The following RAD23A variants were observed in gnomAD, a reference collection of about 807,000 sequenced individuals.
RAD23A encodes lysine-specific demethylase RAD23A.
In RAD23A, 16 loss-of-function variants were observed where a neutral mutation model predicts 44.8. The ratio of observed to expected loss-of-function variants is 0.36; its 90% confidence interval spans 0.24 to 0.54. RAD23A has a LOEUF of 0.54. RAD23A is among the 20% of genes least tolerant of loss of function. The probability of loss-of-function intolerance (pLI) is 0.89; values close to 1 mark genes in which losing one functional copy is unlikely to be tolerated. For synonymous variants in RAD23A, 217 were observed against 202.9 expected (o/e 1.07, Z -0.59); for missense variants, 380 against 483.3 (o/e 0.79, Z 2.00).
rs775868047 is a variant in RAD23A, at chr19:12,948,591, C to T, written c.472+39C>T. 7 of 1,574,954 alleles carry T rather than the reference C, an allele frequency of 4.4e-6. No homozygotes were observed. Among genetic ancestry groups the T allele is most frequent in the Non-Finnish European group, 5.2e-6 (6 of 1,160,306 alleles). On this transcript the variant is annotated intron_variant, in intron 4 of 8. Coordinates refer to ENST00000586534, the MANE Select transcript of RAD23A (RefSeq NM_005053.4). The surrounding 1 kb of genome is among the most constrained non-coding windows in gnomAD (Gnocchi z 5.5). ...CCCCAGGGCAGAGGTGACTGGGTGC[C>T]CCAGCCATCAGCTGGGCCTTGTCTG...
chr19:12,951,561 C>T (rs547117895), intron 7 of RAD23A, among the ~76,000 whole-genome samples: 1 of 152,250 alleles, frequency 6.6e-6, no homozygotes, highest in East Asian at 1.9e-4. Flanking sequence ...ATTCTCCTGC[C>T]TCAGCCCCCA....
Position 12,948,639 on chromosome 19 carries a change from G to A in RAD23A, c.473-47G>A, listed in dbSNP as rs1340625079. The A allele has an allele frequency of 6.3e-7, 1 of 1,593,474 alleles. No homozygotes were observed. The highest frequency in any genetic ancestry group is 8.5e-7 in the Non-Finnish European group (1 of 1,170,410). ...CTGGGTGCGGGAGGGCCTGGGAGCT[G>A]CCCTTTCCTCTTCCTGGTGACCTAG... is the stretch of plus-strand genomic sequence containing the variant. On this transcript the variant is annotated intron_variant, in intron 4 of 8. Coordinates refer to ENST00000586534, the MANE Select transcript of RAD23A (RefSeq NM_005053.4). This position sits in a 1 kb window ranked among gnomAD's most constrained non-coding sequence, Gnocchi z 5.5.
Position 12,948,893 on chromosome 19 carries a change from C to T in RAD23A, c.600+80C>T, listed in dbSNP as rs948770711. On this transcript the variant is annotated intron_variant, in intron 5 of 8. Transcript: ENST00000586534. The surrounding 1 kb of genome is among the most constrained non-coding windows in gnomAD (Gnocchi z 5.5). ...CTGCCCTGATGGGCGGTTGGGAAGG[C>T]AAAACCTGCCCTGAAAAGCCTTTGG... 6.5e-7 allele frequency: 1 copy of T among 1,549,706 alleles called. No homozygotes were observed. The highest frequency in any genetic ancestry group is 1.4e-5 in the African/African-American group (1 of 73,212).
chr19:12,947,436 AAT>A (rs1971698553), intron 1 of RAD23A, among the ~76,000 whole-genome samples: 1 of 152,234 alleles, frequency 6.6e-6, no homozygotes, highest in Non-Finnish European at 1.5e-5. Context: ...AAAATTAAAA[AAT>A]ATCACTATTA....
At position 12,949,136 on chromosome 19, in the gene RAD23A, C is replaced by T. The variant is rs531597926; in HGVS notation, c.656C>T (p.Ser219Leu). Residue 219 changes from serine to leucine, a missense_variant, in exon 6 of 9, where the codon TCG becomes TTG. Physicochemically the swap from Ser to Leu is moderately radical, Grantham distance 145 (BLOSUM62 -2). Coordinates refer to ENST00000586534, the MANE Select transcript of RAD23A (RefSeq NM_005053.4). ...GGTTCTGTCCAGGAGAGCCAGGTAT[C>T]GGAGCAGCCGGCCACGGAAGCAGGT... ...EHGSVQESQV[S>L]EQPATEAAGE... The T allele has an allele frequency of 1.2e-5, 19 of 1,613,876 alleles. No homozygotes were observed. The highest frequency in any genetic ancestry group is 8.0e-5 in the African/African-American group (6 of 75,040).
chr19:12,948,638 TGCC>T lies in RAD23A; in HGVS notation c.473-47_473-45del. 1 of 1,591,596 alleles carries T rather than the reference TGCC, an allele frequency of 6.3e-7. No individual in the cohort carries two copies. Among genetic ancestry groups the T allele is most frequent in the Non-Finnish European group, 8.6e-7 (1 of 1,169,208 alleles). Reference sequence around the variant, plus strand: ...TCTGGGTGCGGGAGGGCCTGGGAGCTGCCCTTTCCTCTTCCTGGTGACCTAGGC... The same window carrying T: ...TCTGGGTGCGGGAGGGCCTGGGAGCTCTTTCCTCTTCCTGGTGACCTAGGC... On this transcript the variant is annotated intron_variant, in intron 4 of 8. Coordinates refer to ENST00000586534, the MANE Select transcript of RAD23A (RefSeq NM_005053.4). This position sits in a 1 kb window ranked among gnomAD's most constrained non-coding sequence, Gnocchi z 5.5.
chr19:12,950,516 T>C (rs1350868895), intron 7 of RAD23A, among the ~76,000 whole-genome samples: 4 of 152,112 alleles, frequency 2.6e-5, no homozygotes, highest in Admixed American at 1.3e-4. Flanking sequence ...GCGATTCTTT[T>C]GCCCCCGCCC....
intron 1 of RAD23A, among the ~76,000 whole-genome samples, chr19:12,946,772 TGGC>T (rs925372346): frequency 1.1e-4 from 16 of 152,220 alleles, no homozygotes; most frequent in African/African-American, 3.9e-4. Context: ...ATTGGGTACT[TGGC>T]GCTTTTTGCA....
rs199893823 is a variant in RAD23A at position 12,952,700 on chromosome 19, G to A, written c.825G>A (p.Arg275=). 3 of 1,610,510 alleles carry A rather than the reference G, an allele frequency of 1.9e-6. No homozygotes were observed. Among genetic ancestry groups the A allele is most frequent in the Admixed American group, 3.3e-5 (2 of 59,972 alleles). Residue 275 remains arginine (R), a synonymous_variant, in exon 8 of 9, where the codon CGG becomes CGA. Transcript: ENST00000586534. ...ENPQLLQQIS[R]HQEQFIQMLN... ...ACCCTCTCCTGCAGCAAATCAGCCG[G>A]CACCAGGAGCAGTTCATCCAGATGC...
rs200144564 is a variant in RAD23A at position 12,948,455 on chromosome 19, C to T, written c.417-42C>T. On this transcript the variant is annotated intron_variant, in intron 3 of 8. Coordinates refer to ENST00000586534, the MANE Select transcript of RAD23A (RefSeq NM_005053.4). This position sits in a 1 kb window ranked among gnomAD's most constrained non-coding sequence, Gnocchi z 5.5. ...CCACACACCTGGAGGGAGGGCAAGCCGCCAGAAGCCAGGGTCCGATTTCTC... is the reference window on the plus strand; with the variant it reads ...CCACACACCTGGAGGGAGGGCAAGCTGCCAGAAGCCAGGGTCCGATTTCTC... 8.6e-5 allele frequency: 134 copies of T among 1,552,126 alleles called. No individual in the cohort carries two copies. Among genetic ancestry groups the T allele is most frequent in the African/African-American group, 2.6e-4 (19 of 72,942 alleles).
chr19:12,948,684 A>G lies in RAD23A; in HGVS notation c.473-2A>G, dbSNP rs752299434. 6.2e-7 allele frequency: 1 copy of G among 1,611,202 alleles called. No individual in the cohort carries two copies. The highest frequency in any genetic ancestry group is 1.7e-5 in the Admixed American group (1 of 59,464). ...ACCTAGGCTTTGCTGCTTCCTCCAC[A>G]GTGACGGGCTCTGAGTATGAGACGA... On this transcript the variant is annotated splice_acceptor_variant, in intron 4 of 8. Transcript: ENST00000586534. LOFTEE classifies it high-confidence loss of function. The surrounding 1 kb of genome is among the most constrained non-coding windows in gnomAD (Gnocchi z 5.5).
At position 12,948,051 on chromosome 19, in the gene RAD23A, G is replaced by A. The variant is rs368120948; in HGVS notation, c.234+42G>A. On this transcript the variant is annotated intron_variant, in intron 2 of 8. Transcript: ENST00000586534. This position sits in a 1 kb window ranked among gnomAD's most constrained non-coding sequence, Gnocchi z 5.5. ...GGCTGGGAGGGTGGGTGGACGAGCT[G>A]GGGAGCTGGCAAAGAGCCTGTGTGC... 2 of 1,609,554 alleles carry A rather than the reference G, an allele frequency of 1.2e-6. No individual in the cohort carries two copies. The highest frequency in any genetic ancestry group is 2.7e-5 in the African/African-American group (2 of 74,866).
chr19:12,947,952 C>A lies in RAD23A; in HGVS notation c.177C>A (p.Val59=). 1 of 1,614,018 alleles carries A rather than the reference C, an allele frequency of 6.2e-7. No individual in the cohort carries two copies. The change falls in exon 2 of 9, where the codon GTC becomes GTA. Residue 59 remains valine, a synonymous_variant. Coordinates refer to ENST00000586534, the MANE Select transcript of RAD23A (RefSeq NM_005053.4). ...CCGGCAAGATCTTGAGTGACGATGT[C>A]CCTATCAGGGACTATCGCATCGATG... is the stretch of plus-strand genomic sequence containing the variant. The part of the protein sequence containing the change: ...IYAGKILSDD[V]PIRDYRIDEK...
At position 12,948,816 on chromosome 19, in the gene RAD23A, G is replaced by A. The variant is rs773470802; in HGVS notation, c.600+3G>A. 13 of 1,598,346 alleles carry A rather than the reference G, an allele frequency of 8.1e-6. No homozygotes were observed. The South Asian group carries it at 1.1e-4, about 14-fold the overall frequency. On this transcript the variant is annotated splice_donor_region_variant and intron_variant, in intron 5 of 8. Coordinates refer to ENST00000586534, the MANE Select transcript of RAD23A (RefSeq NM_005053.4). The surrounding 1 kb of genome is among the most constrained non-coding windows in gnomAD (Gnocchi z 5.5). ...GAGCCGTGGAGTATCTGCTCACGGT[G>A]AGGTGGGGCTTCCGCCTCCCGGGGA...
At chr19:12,947,782 G>C in intron 1 of RAD23A, 66 bp from the exon 2 acceptor site, 1 of 1,552,798 alleles carries the variant, frequency 6.4e-7, no homozygotes, top group Non-Finnish European at 8.8e-7. Context: ...CAGTTTCTCT[G>C]TCCTAAACTA....
chr19:12,947,473 G>A (rs1325691784), intron 1 of RAD23A, among the ~76,000 whole-genome samples: 1 of 152,150 alleles, frequency 6.6e-6, no homozygotes, highest in Non-Finnish European at 1.5e-5. Flanking sequence ...ATTGTCCAAG[G>A]TAGAGTGTAG....
intron 7 of RAD23A, 100 bp from the exon 8 acceptor site, chr19:12,952,589 T>A (rs1489783660): frequency 2.2e-6 from 3 of 1,351,216 alleles, no homozygotes; most frequent in Admixed American, 4.5e-5. Flanking sequence ...CTCCTCTGGA[T>A]ATTTGCCTGA....
chr19:12,949,288 C>T lies in RAD23A; in HGVS notation c.693C>T (p.Pro231=). Residue 231 remains proline (P), a synonymous_variant, in exon 7 of 9, where the codon CCC becomes CCT. Coordinates refer to ENST00000586534, the MANE Select transcript of RAD23A (RefSeq NM_005053.4). ...QPATEAAGEN[P]LEFLRDQPQF... is the part of the protein sequence containing the mutation. The stretch of plus-strand genomic sequence containing the variant: ...TCCTACTACCAGCAGGAGAGAACCC[C>T]CTGGAGTTCCTGCGGGACCAGCCCC... 1.2e-6 allele frequency: 2 copies of T among 1,614,144 alleles called. No individual in the cohort carries two copies. The highest frequency in any genetic ancestry group is 1.1e-5 in the South Asian group (1 of 91,088).
chr19:12,948,114 C>T lies in RAD23A; in HGVS notation c.235-63C>T, dbSNP rs1397511623. 1.6e-5 allele frequency: 25 copies of T among 1,608,910 alleles called. No homozygotes were observed. The Admixed American group carries it at 2.2e-4, about 14-fold the overall frequency. On this transcript the variant is annotated intron_variant, in intron 2 of 8. Transcript: ENST00000586534. This position sits in a 1 kb window ranked among gnomAD's most constrained non-coding sequence, Gnocchi z 5.5. ...AGCTGTGAACAGGGCGGGGCCACAG[C>T]GGAGCGGGTTGTTGGGTCTGATAGG...
Sources: gnomAD v4.1 joint callset for allele counts (sites outside exome capture counted in the v4.1 genomes callset) on GRCh38, gnomAD v4.1.1 for gene constraint, Gnocchi (gnomAD v3.1) non-coding constraint, MANE v1.5 for transcripts, NCBI Gene and HGNC (gene_info 2026-07-23, HGNC 2026-07-21) for gene names.